PRKCE: variants seen among roughly 807,000 people sequenced by gnomAD.
PRKCE encodes protein kinase C epsilon type.
A neutral mutation model predicts 85.4 loss-of-function variants in PRKCE; 16 were observed. That is an observed-to-expected ratio of 0.19 (90% CI 0.13 to 0.28). PRKCE has a LOEUF of 0.28. Among genes scored for constraint, PRKCE ranks in the 10% least tolerant of loss-of-function variants. PRKCE has a pLI of 1.00. For missense variants in PRKCE, 573 were observed against 975.2 expected (o/e 0.59, Z 5.49); for synonymous variants, 388 against 371.5 (o/e 1.04, Z -0.51).
intron 6 of PRKCE, among the ~76,000 whole-genome samples, chr2:45,997,656 C>G (rs952351192): frequency 6.6e-6 from 1 of 152,126 alleles, no homozygotes; most frequent in Admixed American, 6.5e-5. Context: ...AAGCGATTCT[C>G]CTGCCTCAGC....
chr2:45,662,779 G>A (rs1006747451), intron 1 of PRKCE, among the ~76,000 whole-genome samples: 1 of 149,280 alleles, frequency 6.7e-6, no homozygotes, highest in Non-Finnish European at 1.5e-5. Context: ...ACCTACCTTT[G>A]TTCAAGGCCC....
intron 1 of PRKCE, among the ~76,000 whole-genome samples, chr2:45,802,062 C>T (rs1687907739): frequency 7.1e-6 from 1 of 140,102 alleles, no homozygotes; most frequent in Admixed American, 7.4e-5. Flanking sequence ...ACAACCTGGG[C>T]AACATAACAA....
chr2:45,869,865 G>A (rs1433180418), intron 2 of PRKCE, among the ~76,000 whole-genome samples: 3 of 151,892 alleles, frequency 2.0e-5, no homozygotes, highest in Middle Eastern at 6.8e-3. Flanking sequence ...ACGCCACCAC[G>A]CCCAGCTAAT....
intron 2 of PRKCE, among the ~76,000 whole-genome samples, chr2:45,919,909 G>A (rs1698127758): frequency 6.6e-6 from 1 of 152,252 alleles, no homozygotes; most frequent in African/African-American, 2.4e-5. Context: ...TTCACTAGGT[G>A]TGGAAAAGGG....
chr2:45,868,198 G>T (rs1001377731), intron 2 of PRKCE, among the ~76,000 whole-genome samples: 8 of 147,660 alleles, frequency 5.4e-5, no homozygotes, highest in East Asian at 2.0e-4. Flanking sequence ...TGGTCTGGTT[G>T]GGGGGTGTAA....
intron 11 of PRKCE, among the ~76,000 whole-genome samples, chr2:46,123,903 A>G (rs1331471737): frequency 6.6e-6 from 1 of 152,276 alleles, no homozygotes; most frequent in African/African-American, 2.4e-5. Flanking sequence ...GCAAATGTTT[A>G]CAAGGCATGC....
intron 10 of PRKCE, among the ~76,000 whole-genome samples, chr2:46,079,175 CAA>C (rs11452307): frequency 0.31 from 39,347 of 126,178 alleles, 5,955 homozygotes; most frequent in African/African-American, 0.44. Flanking sequence ...GACTCTGTCT[CAA>C]AAAAAAAAAA....
At chr2:46,103,583 G>A (rs1291369069) in intron 11 of PRKCE, among the ~76,000 whole-genome samples, 1 of 152,128 alleles carries the variant, frequency 6.6e-6, no homozygotes, top group Non-Finnish European at 1.5e-5. Flanking sequence ...ATAAAAAACA[G>A]TTGAAAATCT....
chr2:46,062,142 G>T (rs547670227), intron 10 of PRKCE, among the ~76,000 whole-genome samples: 1 of 152,036 alleles, frequency 6.6e-6, no homozygotes, highest in Non-Finnish European at 1.5e-5. Flanking sequence ...GATTACAGGC[G>T]TGAGCCACCA....
intron 1 of PRKCE, among the ~76,000 whole-genome samples, chr2:45,709,328 C>G (rs1253367823): frequency 6.6e-6 from 1 of 152,218 alleles, no homozygotes; most frequent in African/African-American, 2.4e-5. Flanking sequence ...CTTCCTGGGT[C>G]AAGGCCAGAG....
At chr2:45,981,375 G>A (rs1386858155) in intron 5 of PRKCE, among the ~76,000 whole-genome samples, 1 of 152,176 alleles carries the variant, frequency 6.6e-6, no homozygotes, top group Non-Finnish European at 1.5e-5. Flanking sequence ...TCTACAATTT[G>A]ACTTCCAAGA....
At chr2:45,667,749 C>T (rs1675982406) in intron 1 of PRKCE, among the ~76,000 whole-genome samples, 1 of 152,024 alleles carries the variant, frequency 6.6e-6, no homozygotes. Flanking sequence ...TATACCCCCT[C>T]ACCTCCACAC....
At chr2:46,090,476 C>T (rs933085086) in intron 11 of PRKCE, among the ~76,000 whole-genome samples, 14 of 152,150 alleles carry the variant, frequency 9.2e-5, no homozygotes, top group African/African-American at 3.4e-4. Context: ...CCTGAGAGTG[C>T]TTACCTAGTT....
At chr2:45,926,724 C>T (rs775905731) in intron 2 of PRKCE, among the ~76,000 whole-genome samples, 14 of 152,310 alleles carry the variant, frequency 9.2e-5, no homozygotes, top group Non-Finnish European at 1.8e-4. Context: ...TAGAAGCATT[C>T]AGACAGAGGG....
At chr2:46,165,527 A>C (rs943738302) in intron 14 of PRKCE, among the ~76,000 whole-genome samples, 6 of 152,166 alleles carry the variant, frequency 3.9e-5, no homozygotes, top group African/African-American at 1.4e-4. Flanking sequence ...CCAACCCTAG[A>C]ATTCACTGGT....
At chr2:46,154,733 CTTTT>C (rs368843926) in intron 13 of PRKCE, among the ~76,000 whole-genome samples, 1 of 136,348 alleles carries the variant, frequency 7.3e-6, no homozygotes. Context: ...CTCAGTGAGG[CTTTT>C]TTTTTTTTTT....
At chr2:45,858,814 G>A (rs1692896736) in intron 2 of PRKCE, among the ~76,000 whole-genome samples, 1 of 152,098 alleles carries the variant, frequency 6.6e-6, no homozygotes, top group African/African-American at 2.4e-5. Flanking sequence ...GCCAAGGCGG[G>A]CGGATCACTT....
Position 46,041,953 on chromosome 2 carries a change from A to G in PRKCE, c.1437+31436A>G, listed in dbSNP as rs756336325. Among the ~76,000 whole-genome samples, 7 of 152,220 alleles carry G rather than the reference A, an allele frequency of 4.6e-5. No homozygotes were observed. The highest frequency in any genetic ancestry group is 8.8e-5 in the Non-Finnish European group (6 of 68,040). On this transcript the variant is annotated intron_variant, in intron 10 of 14. Coordinates refer to ENST00000306156, the MANE Select transcript of PRKCE (RefSeq NM_005400.3). This position sits in a 1 kb window ranked among gnomAD's most constrained non-coding sequence, Gnocchi z 5.5. ...TTAGTTATCAAAATGGGTGATGTCT[A>G]TATCAAAGATTGTAATATAATTTGA...
chr2:45,966,147 A>G (rs571371121), intron 2 of PRKCE, among the ~76,000 whole-genome samples: 3 of 152,212 alleles, frequency 2.0e-5, no homozygotes, highest in Non-Finnish European at 4.4e-5. Flanking sequence ...ATGGCCTTTC[A>G]CAAGACAGTT....
Sources: allele counts gnomAD v4.1 joint callset (sites outside exome capture counted in the v4.1 genomes callset), GRCh38; gene constraint gnomAD v4.1.1; non-coding constraint Gnocchi (gnomAD v3.1); transcripts MANE v1.5; gene names NCBI Gene and HGNC (gene_info 2026-07-23, HGNC 2026-07-21).